BRD3: variants seen among roughly 807,000 people sequenced by gnomAD.
BRD3 encodes the protein bromodomain-containing protein 3.
BRD3 carries 17 observed loss-of-function variants against 66.8 expected under a neutral mutation model. That is an observed-to-expected ratio of 0.25 (90% CI 0.17 to 0.38). The LOEUF is 0.38. Among genes scored for constraint, BRD3 ranks in the 10% least tolerant of loss-of-function variants. The pLI is 1.00. For missense variants in BRD3, 713 were observed against 956.1 expected, an observed-to-expected ratio of 0.75 and a Z score of 3.35; for synonymous variants, 421 against 393.2, an observed-to-expected ratio of 1.07 and a Z score of -0.84.
In BRD3 at chr9:134,036,044, T is replaced by A; in HGVS notation, c.1924A>T (p.Arg642Trp). 4.4e-6 allele frequency: 7 copies of A among 1,604,420 alleles called. No homozygotes were observed. The highest frequency in any genetic ancestry group is 6.0e-6 in the Non-Finnish European group (7 of 1,174,236). Residue 642 changes from arginine to tryptophan, a missense_variant, in exon 10 of 12, where the codon AGG (arginine) becomes TGG (tryptophan). Physicochemically the swap from Arg to Trp is moderately radical, Grantham distance 101 (BLOSUM62 -3). Coordinates refer to ENST00000303407, the MANE Select transcript of BRD3 (RefSeq NM_007371.4). ...YVKSCLQKKQ[R>W]KPFSASGKKQ... ...GCAGGCAACTTACAGAACGGTTTCC[T>A]TTGCTTTTTCTGTAAACAAGACTTG...
At chr9:134,044,761 G>T (rs1830134121) in intron 7 of BRD3, among the ~76,000 whole-genome samples, 1 of 152,162 alleles carries the variant, frequency 6.6e-6, no homozygotes, top group South Asian at 2.1e-4. Flanking sequence ...CAAAGTCCCT[G>T]CGCTGAGAGC....
rs915447304 is a variant in BRD3, at chr9:134,043,325, C to T, written c.1216-1374G>A. On this transcript the variant is annotated intron_variant, in intron 7 of 11. Transcript: ENST00000303407. Reference sequence around the variant, plus strand: ...TTGGACCAGGACCTAGGCCCTCCGTCACCCCTCTCAGCAAACATCCCCCTC... The same window carrying T: ...TTGGACCAGGACCTAGGCCCTCCGTTACCCCTCTCAGCAAACATCCCCCTC... Among the ~76,000 whole-genome samples, 6 of 152,366 alleles carry T rather than the reference C, an allele frequency of 3.9e-5. No individual in the cohort carries two copies. The South Asian group carries it at 1.2e-3, about 32-fold the overall frequency.
At chr9:134,061,417 G>A (rs1830542123) in intron 1 of BRD3, among the ~76,000 whole-genome samples, 1 of 152,226 alleles carries the variant, frequency 6.6e-6, no homozygotes, top group Non-Finnish European at 1.5e-5. Context: ...AGGAGCAGTG[G>A]CAGGGAGGGG....
intron 1 of BRD3, among the ~76,000 whole-genome samples, chr9:134,066,659 C>T (rs779730033): frequency 2.6e-5 from 4 of 152,214 alleles, no homozygotes; most frequent in Non-Finnish European, 4.4e-5. Flanking sequence ...TCTGTTCCTT[C>T]TCACAGGGTA....
intron 7 of BRD3, among the ~76,000 whole-genome samples, chr9:134,042,734 CACACATATAT>C (rs950725891): frequency 0.047 from 7,160 of 150,878 alleles, 548 homozygotes; most frequent in African/African-American, 0.16. Context: ...CATATATATA[CACACATATAT>C]ACACATATAT....
chr9:134,036,933 C>A lies in BRD3; in HGVS notation c.1644-609G>T, dbSNP rs573520629. 2.5e-3 allele frequency among the ~76,000 whole-genome samples: 377 copies of A among 152,102 alleles called. 1 individual carries two copies. Among genetic ancestry groups the A allele is most frequent in the South Asian group, 5.6e-3 (27 of 4,814 alleles). Reference sequence around the variant, plus strand: ...GGCTGAGGCAGGAGAATCGCTTGAACCAGGGAGGCGGAGGCTGCAGTGAGC... The same window carrying A: ...GGCTGAGGCAGGAGAATCGCTTGAAACAGGGAGGCGGAGGCTGCAGTGAGC... On this transcript the variant is annotated intron_variant, in intron 9 of 11. Transcript: ENST00000303407.
Position 134,053,163 on chromosome 9 carries a change from T to C in BRD3, c.213+102A>G. Reference sequence around the variant, plus strand: ...AGGCTGTCCCCAGCTTAGCAGCAAATTCCCAAGGCCAGAGGCAGTCTTTCC... The same window carrying C: ...AGGCTGTCCCCAGCTTAGCAGCAAACTCCCAAGGCCAGAGGCAGTCTTTCC... On this transcript the variant is annotated intron_variant, in intron 2 of 11. Transcript: ENST00000303407. 8 of 1,343,838 alleles carry C rather than the reference T, an allele frequency of 6.0e-6. No homozygotes were observed. The South Asian group carries it at 8.8e-5, about 15-fold the overall frequency. 83.2% of individuals were successfully genotyped at this position (1,343,838 alleles called of 1,614,324 possible). A position where few individuals can be genotyped will look rare whatever the true frequency, so the allele number is the denominator to read the frequency against.
intron 1 of BRD3, among the ~76,000 whole-genome samples, chr9:134,059,460 C>T (rs545087075): frequency 2.6e-5 from 4 of 152,310 alleles, no homozygotes; most frequent in Admixed American, 2.0e-4. Flanking sequence ...GGCAGCGGTG[C>T]CAGAGACCCC....
chr9:134,034,121 G>A (rs1228451290), intron 11 of BRD3, among the ~76,000 whole-genome samples: 1 of 152,150 alleles, frequency 6.6e-6, no homozygotes, highest in African/African-American at 2.4e-5. Flanking sequence ...AAACCATGTC[G>A]CAAGGCCATG....
intron 9 of BRD3, among the ~76,000 whole-genome samples, chr9:134,037,265 T>C (rs184208551): frequency 6.6e-6 from 1 of 152,068 alleles, no homozygotes; most frequent in African/African-American, 2.4e-5. Context: ...AAAAGGAGTA[T>C]GTTCAGGAAA....
In BRD3 at chr9:134,032,439, CAAAAAAA is replaced by C. The variant is rs10636879; in HGVS notation, c.*1144_*1150del. 13 of 116,882 alleles carry C rather than the reference CAAAAAAA, an allele frequency of 1.1e-4. No individual in the cohort carries two copies. The highest frequency in any genetic ancestry group is 1.9e-4 in the African/African-American group (4 of 20,798). 7.2% of individuals were successfully genotyped at this position (116,882 alleles called of 1,614,324 possible). A position where few individuals can be genotyped will look rare whatever the true frequency, so the allele number is the denominator to read the frequency against. Reference sequence around the variant, plus strand: ...TACCTGTAAGCCTCCAAGTTTCATACAAAAAAAAAAAAAAAAAAAAACCACAAAGAAA... The same window carrying C: ...TACCTGTAAGCCTCCAAGTTTCATACAAAAAAAAAAAAAACCACAAAGAAA... On this transcript the variant is annotated 3_prime_UTR_variant, in exon 12 of 12. Transcript: ENST00000303407.
chr9:134,039,957 C>G, intron 9 of BRD3, 77 bp downstream of exon 9: 1 of 1,512,736 alleles, frequency 6.6e-7, no homozygotes, highest in Non-Finnish European at 8.8e-7. Flanking sequence ...GCCCCCAATC[C>G]CAGCACTGCT....
Position 134,045,437 on chromosome 9 carries a change from A to G in BRD3, c.1087-16T>C. On this transcript the variant is annotated splice_polypyrimidine_tract_variant and intron_variant, in intron 6 of 11. Transcript: ENST00000303407. This position sits in a 1 kb window ranked among gnomAD's most constrained non-coding sequence, Gnocchi z 4.8. ...CCATCTTCCTCTGCAACACACAGTG[A>G]CAGGGGCCAGTGAGCGTGGCCCGTG... 1.9e-6 allele frequency: 3 copies of G among 1,613,132 alleles called. No individual in the cohort carries two copies. Among genetic ancestry groups the G allele is most frequent in the Non-Finnish European group, 2.5e-6 (3 of 1,179,912 alleles).
At chr9:134,068,079 G>A (rs938371457), upstream of BRD3, 5 of 144,302 alleles carry the variant, frequency 3.5e-5, no homozygotes, top group African/African-American at 1.2e-4. Flanking sequence ...CGCCTGGCGG[G>A]AGTCGTAGTC....
At chr9:134,042,546 T>A in intron 7 of BRD3, among the ~76,000 whole-genome samples, 1 of 151,690 alleles carries the variant, frequency 6.6e-6, no homozygotes, top group East Asian at 1.9e-4. Context: ...CTGCGATGGG[T>A]GGATTGCTTG....
Position 134,048,104 on chromosome 9 carries a change from C to A in BRD3, c.1065G>T (p.Pro355=). 1.3e-6 allele frequency: 2 copies of A among 1,587,490 alleles called. No homozygotes were observed. The highest frequency in any genetic ancestry group is 1.2e-5 in the South Asian group (1 of 86,860). Reference sequence around the variant, plus strand: ...GTACTTTCACGGTGCTGAGGTCCATCGGGTGCTTGATGATGTCGTGGTAGT... The same window carrying A: ...GTACTTTCACGGTGCTGAGGTCCATAGGGTGCTTGATGATGTCGTGGTAGT... The part of the protein sequence containing the change: ...LHDYHDIIKH[P]MDLSTVKRKM... Residue 355 remains proline (P), a synonymous_variant, in exon 6 of 12, where the codon CCG becomes CCT. Transcript: ENST00000303407.
intron 1 of BRD3, among the ~76,000 whole-genome samples, chr9:134,066,050 T>G (rs1160992797): frequency 6.6e-6 from 1 of 152,028 alleles, no homozygotes; most frequent in Non-Finnish European, 1.5e-5. Context: ...GGAAAGTAAT[T>G]ACTCTACTTT....
chr9:134,053,257 C>T lies in BRD3; in HGVS notation c.213+8G>A. The T allele has an allele frequency of 4.3e-6, 7 of 1,613,236 alleles. No individual in the cohort carries two copies. The highest frequency in any genetic ancestry group is 2.5e-6 in the Non-Finnish European group (3 of 1,179,994). On this transcript the variant is annotated splice_region_variant and intron_variant, in intron 2 of 11. Transcript: ENST00000303407. ...AACGTGGCTCTTGGGGAGGCAGCAG[C>T]TACGCACCGGCAGGTTCAATTTGAT...
Position 134,041,838 on chromosome 9 carries a change from A to G in BRD3, c.1329T>C (p.Ser443=). The G allele has an allele frequency of 6.2e-7, 1 of 1,613,060 alleles. No individual in the cohort carries two copies. Among genetic ancestry groups the G allele is most frequent in the Non-Finnish European group, 8.5e-7 (1 of 1,179,848 alleles). Residue 443 remains serine, a synonymous_variant, in exon 8 of 12, where the codon AGT becomes AGC. Coordinates refer to ENST00000303407, the MANE Select transcript of BRD3 (RefSeq NM_007371.4). ...VSKGAESSRS[S]EESSSDSGSS... ...TGCCTGAGTCCGAAGAGCTCTCCTC[A>G]CTGCTACGGCTGCTCTCAGCGCCCT...
Sources: gnomAD v4.1 joint callset for allele counts (sites outside exome capture counted in the v4.1 genomes callset) on GRCh38, gnomAD v4.1.1 for gene constraint, Gnocchi (gnomAD v3.1) non-coding constraint, MANE v1.5 for transcripts, NCBI Gene and HGNC (gene_info 2026-07-23, HGNC 2026-07-21) for gene names.